Variants in MTMR10 observed in about 807,000 individuals in gnomAD.
MTMR10 encodes myotubularin-related protein 10.
Under a neutral mutation model 88.1 loss-of-function variants are expected in MTMR10, and 56 were observed. That is an observed-to-expected ratio of 0.64 (90% CI 0.51 to 0.79). The LOEUF (loss-of-function observed/expected upper bound fraction) is 0.79, where lower values mean the gene tolerates loss of function less well. Ranked by LOEUF, MTMR10 falls within the 30% of genes least tolerant of loss-of-function variation. The pLI, the probability that MTMR10 is intolerant of heterozygous loss-of-function variation, is 0.00. For synonymous variants in MTMR10, 380 were observed against 340.9 expected (o/e 1.11, Z -1.26); for missense variants, 883 against 924.7 (o/e 0.95, Z 0.58).
At chr15:30,945,791 C>T (rs2063162095) in intron 14 of MTMR10, among the ~76,000 whole-genome samples, 1 of 152,122 alleles carries the variant, frequency 6.6e-6, no homozygotes, top group Non-Finnish European at 1.5e-5. Context: ...TCAAACTTTC[C>T]TGGTGGGGTG....
chr15:30,991,095 G>C (rs914181157), intron 1 of MTMR10, among the ~76,000 whole-genome samples: 9 of 152,196 alleles, frequency 5.9e-5, no homozygotes, highest in African/African-American at 2.2e-4. Context: ...GCCTCGACCA[G>C]TGACCCCAAG....
intron 12 of MTMR10, among the ~76,000 whole-genome samples, chr15:30,951,443 T>C (rs1225430065): frequency 1.3e-5 from 2 of 152,218 alleles, no homozygotes; most frequent in African/African-American, 4.8e-5. Context: ...AAGGATAATT[T>C]AATAAAGGGT....
the MTMR10 span, among the ~76,000 whole-genome samples, chr15:30,924,710 A>G: frequency 6.6e-6 from 1 of 152,104 alleles, no homozygotes; most frequent in Non-Finnish European, 1.5e-5. Flanking sequence ...TGTGGCCCCC[A>G]TGCGTGGGCT....
downstream of MTMR10, among the ~76,000 whole-genome samples, chr15:30,937,939 T>C (rs1285556160): frequency 6.6e-6 from 1 of 150,992 alleles, no homozygotes; most frequent in African/African-American, 2.4e-5. Flanking sequence ...CCCAGCACTT[T>C]GGGAGGCTGA....
chr15:30,953,305 C>T (rs930193872), intron 11 of MTMR10, among the ~76,000 whole-genome samples: 3 of 152,096 alleles, frequency 2.0e-5, no homozygotes, highest in Non-Finnish European at 2.9e-5. Flanking sequence ...AACCTACACA[C>T]GTGATAAAAT....
In MTMR10 at chr15:30,975,013, A is replaced by G; in HGVS notation, c.259-10T>C. 1 of 1,529,934 alleles carries G rather than the reference A, an allele frequency of 6.5e-7. No individual in the cohort carries two copies. The highest frequency in any genetic ancestry group is 1.2e-5 in the South Asian group (1 of 83,252). 94.8% of individuals were successfully genotyped at this position (1,529,934 alleles called of 1,614,324 possible). A position where few individuals can be genotyped will look rare whatever the true frequency, so the allele number is the denominator to read the frequency against. On this transcript the variant is annotated splice_polypyrimidine_tract_variant and intron_variant, in intron 3 of 15. Transcript: ENST00000435680. ...TTCTGTAATGGAATTTCTGGAATAA[A>G]AAATTATGTTCATATTAATTCTTTT...
chr15:30,943,309 CA>C, intron 14 of MTMR10: 1 of 985,308 alleles, frequency 1.0e-6, no homozygotes, highest in Non-Finnish European at 1.2e-6. Flanking sequence ...CTTAGGACCC[CA>C]AGGAAGCCGT....
intron 2 of MTMR10, among the ~76,000 whole-genome samples, chr15:30,989,181 T>A (rs1483332175): frequency 6.6e-6 from 1 of 152,044 alleles, no homozygotes. Flanking sequence ...TCATTCAAGA[T>A]GAGTACTGTT....
At chr15:30,973,963 G>C (rs928139564) in intron 5 of MTMR10, among the ~76,000 whole-genome samples, 1 of 152,086 alleles carries the variant, frequency 6.6e-6, no homozygotes, top group Non-Finnish European at 1.5e-5. Context: ...CTGCAGTACT[G>C]AATTAAAAGC....
chr15:30,948,223 G>GC (rs1289435744), intron 13 of MTMR10, 79 bp downstream of exon 13: 1 of 1,329,218 alleles, frequency 7.5e-7, no homozygotes. Context: ...TTTTTTAAAA[G>GC]CCCCTTCATC....
chr15:30,928,506 TTGTGTGTGTG>T, the MTMR10 span: 50 of 1,484,504 alleles, frequency 3.4e-5, no homozygotes, highest in Middle Eastern at 3.9e-4. Flanking sequence ...AAAACAGATT[TTGTGTGTGTG>T]TGTGTGTGTG....
At chr15:30,956,003 T>C (rs970137794) in intron 9 of MTMR10, among the ~76,000 whole-genome samples, 5 of 32,392 alleles carry the variant, frequency 1.5e-4, no homozygotes, top group East Asian at 0.062. Flanking sequence ...CTGCTGTTGT[T>C]TTTTTTTTTC....
the MTMR10 span, chr15:30,929,200 C>T: frequency 6.2e-7 from 1 of 1,610,388 alleles, no homozygotes; most frequent in Non-Finnish European, 8.5e-7. Flanking sequence ...CCCTGTGACA[C>T]AGGCATTCCC....
chr15:30,940,142 A>G lies in MTMR10; in HGVS notation c.*1328T>C, dbSNP rs567385668. The G allele has an allele frequency of 3.7e-5, 36 of 985,466 alleles. No homozygotes were observed. In the African/African-American group the frequency reaches 4.7e-4, roughly 13 times the overall value. The allele number at this position is 985,466 out of a possible 1,614,324, so 61.0% of individuals were successfully genotyped here. ...TAGGATGGCAGTTTAAGAAACAGTCAAATTTGAAAGTATCCATGTTTTAAG... is the reference window on the plus strand; with the variant it reads ...TAGGATGGCAGTTTAAGAAACAGTCGAATTTGAAAGTATCCATGTTTTAAG... On this transcript the variant is annotated 3_prime_UTR_variant, in exon 16 of 16. Transcript: ENST00000435680.
intron 14 of MTMR10, chr15:30,943,462 T>G (rs2063117679): frequency 1.0e-6 from 1 of 985,300 alleles, no homozygotes; most frequent in Non-Finnish European, 1.2e-6. Context: ...TAGTTACCTG[T>G]TGGTAAGTGG....
chr15:30,923,750 T>C, the MTMR10 span, among the ~76,000 whole-genome samples: 1 of 152,336 alleles, frequency 6.6e-6, no homozygotes, highest in South Asian at 2.1e-4. Context: ...TTCATTTCCT[T>C]CAGCCACTCA....
intron 12 of MTMR10, 100 bp downstream of exon 12, chr15:30,951,868 A>T: frequency 9.8e-7 from 1 of 1,016,904 alleles, no homozygotes; most frequent in African/African-American, 1.6e-5. Context: ...GTAAATAAGA[A>T]ATAGCTAAAA....
intron 14 of MTMR10, among the ~76,000 whole-genome samples, chr15:30,945,982 T>C (rs2063165310): frequency 6.6e-6 from 1 of 152,236 alleles, no homozygotes; most frequent in Non-Finnish European, 1.5e-5. Flanking sequence ...AGAGACAGGC[T>C]GACGGTGTTG....
chr15:30,978,727 A>C (rs2030341169), intron 2 of MTMR10, among the ~76,000 whole-genome samples: 2 of 152,206 alleles, frequency 1.3e-5, no homozygotes, highest in Non-Finnish European at 2.9e-5. Context: ...TCTTAAAAAG[A>C]AGTAGTGGAC....
Sources: gnomAD v4.1 joint callset for allele counts (sites outside exome capture counted in the v4.1 genomes callset) on GRCh38, gnomAD v4.1.1 for gene constraint, MANE v1.5 for transcripts, NCBI Gene and HGNC (gene_info 2026-07-23, HGNC 2026-07-21) for gene names.